The following CA5A variants were observed in gnomAD, a reference collection of about 807,000 sequenced individuals.
The protein encoded by CA5A is carbonic anhydrase 5A.
In CA5A, 28 loss-of-function variants were observed where a neutral mutation model predicts 37.1. The ratio of observed to expected loss-of-function variants is 0.75; its 90% confidence interval spans 0.56 to 1.03. The LOEUF (loss-of-function observed/expected upper bound fraction) is 1.03, where lower values mean the gene tolerates loss of function less well. CA5A is among the 50% of genes least tolerant of loss of function. CA5A has a pLI of 0.00. For synonymous variants in CA5A, 171 were observed against 158.4 expected, an observed-to-expected ratio of 1.08 and a Z score of -0.60; for missense variants, 444 against 399.9, an observed-to-expected ratio of 1.11 and a Z score of -0.94.
At chr16:87,924,967 G>T (rs528083869) in intron 2 of CA5A, among the ~76,000 whole-genome samples, 3 of 152,344 alleles carry the variant, frequency 2.0e-5, no homozygotes, top group Admixed American at 6.5e-5. Flanking sequence ...AGGAAGAAAA[G>T]GAGGCTCATT....
chr16:87,882,131 C>A (rs1480925321), intron 4 of CA5A: 1 of 152,228 alleles, frequency 6.6e-6, no homozygotes, highest in Non-Finnish European at 1.5e-5. Context: ...GCTCTCTGCC[C>A]CCATCCCAAG....
intron 1 of CA5A, among the ~76,000 whole-genome samples, chr16:87,927,793 A>G (rs2056333066): frequency 6.6e-6 from 1 of 150,966 alleles, no homozygotes; most frequent in African/African-American, 2.4e-5. Flanking sequence ...CCCAGGAGGC[A>G]GAGGTGGTAG....
chr16:87,929,397 A>C (rs941895095), intron 1 of CA5A, among the ~76,000 whole-genome samples: 1 of 148,228 alleles, frequency 6.7e-6, no homozygotes, highest in Admixed American at 6.8e-5. Context: ...GATTGCAGTG[A>C]GCAGAGATGG....
intron 3 of CA5A, among the ~76,000 whole-genome samples, chr16:87,904,371 AC>A (rs2055926883): frequency 2.0e-5 from 3 of 152,040 alleles, no homozygotes; most frequent in African/African-American, 4.8e-5. Flanking sequence ...CAAAAAACAA[AC>A]AAACAAACAA....
downstream of CA5A, chr16:87,883,248 C>T (rs2143874471): frequency 6.6e-6 from 1 of 152,244 alleles, no homozygotes; most frequent in African/African-American, 2.4e-5. Context: ...TCGTCTCAAA[C>T]TCCTGACCTC....
chr16:87,910,044 G>A (rs530789492), intron 2 of CA5A, among the ~76,000 whole-genome samples: 8 of 152,184 alleles, frequency 5.3e-5, no homozygotes, highest in South Asian at 4.1e-4. Flanking sequence ...TGGGAAATAC[G>A]AAGTCCTTAG....
intron 2 of CA5A, among the ~76,000 whole-genome samples, chr16:87,919,491 C>T (rs1356769600): frequency 6.6e-6 from 1 of 152,158 alleles, no homozygotes; most frequent in African/African-American, 2.4e-5. Context: ...CCTCGGGCGG[C>T]CACCTTCGCC....
At chr16:87,891,068 A>G (rs1180480467) in intron 6 of CA5A, among the ~76,000 whole-genome samples, 2 of 151,946 alleles carry the variant, frequency 1.3e-5, no homozygotes, top group African/African-American at 4.8e-5. Context: ...TCCTAAAATT[A>G]TGGGCATGAG....
In CA5A at chr16:87,893,051, G is replaced by A. The variant is rs1263163110; in HGVS notation, c.619-1097C>T. On this transcript the variant is annotated intron_variant, in intron 5 of 6. Coordinates refer to ENST00000649794, the MANE Select transcript of CA5A (RefSeq NM_001739.2). The stretch of plus-strand genomic sequence containing the variant: ...AGAATGTGCCCAACCTTCATGTCAC[G>A]AAGGCCATGCAGTCTCTCAAGCCCC... 4.2e-6 allele frequency: 5 copies of A among 1,198,066 alleles called. No individual in the cohort carries two copies. The Admixed American group carries it at 5.9e-5, about 14-fold the overall frequency. The allele number at this position is 1,198,066 out of a possible 1,614,324, so 74.2% of individuals were successfully genotyped here.
downstream of CA5A, chr16:87,886,624 G>A (rs566797315): frequency 1.2e-4 from 19 of 152,294 alleles, no homozygotes; most frequent in African/African-American, 4.1e-4. Context: ...GGTCAAGGCA[G>A]GAGAACTATT....
chr16:87,906,297 A>G (rs2055960267), intron 2 of CA5A, among the ~76,000 whole-genome samples: 1 of 151,878 alleles, frequency 6.6e-6, no homozygotes, highest in Admixed American at 6.6e-5. Flanking sequence ...TGCCTTGGGG[A>G]GCTTGACACT....
At chr16:87,907,619 C>G (rs1379099326) in intron 2 of CA5A, among the ~76,000 whole-genome samples, 1 of 152,144 alleles carries the variant, frequency 6.6e-6, no homozygotes. Context: ...TCCAGTTGCA[C>G]TCTTAGAGCA....
intron 5 of CA5A, among the ~76,000 whole-genome samples, chr16:87,899,949 A>G: frequency 7.4e-6 from 1 of 135,310 alleles, no homozygotes; most frequent in Non-Finnish European, 1.6e-5. Context: ...AAAAAAAAAA[A>G]AAAGAGTCTA....
chr16:87,920,465 A>G (rs1183685179), intron 2 of CA5A, among the ~76,000 whole-genome samples: 1 of 151,914 alleles, frequency 6.6e-6, no homozygotes, highest in Non-Finnish European at 1.5e-5. Flanking sequence ...ATGCACCACC[A>G]CGCTCGGCTA....
At chr16:87,904,655 G>A in intron 3 of CA5A, 131 bp downstream of exon 3, 1 of 625,520 alleles carries the variant, frequency 1.6e-6, no homozygotes, top group Non-Finnish European at 2.9e-6. Context: ...GTTCTGGTTT[G>A]AGCACTGACA....
At chr16:87,909,726 A>G (rs889504042) in intron 2 of CA5A, among the ~76,000 whole-genome samples, 2 of 152,212 alleles carry the variant, frequency 1.3e-5, no homozygotes, top group African/African-American at 4.8e-5. Context: ...TCTCACTGCA[A>G]ATTTTAAATC....
chr16:87,896,614 G>A (rs1413256765), intron 5 of CA5A, among the ~76,000 whole-genome samples: 1 of 152,152 alleles, frequency 6.6e-6, no homozygotes, highest in African/African-American at 2.4e-5. Context: ...GTGGAAGTGG[G>A]TTGGTGACTT....
At position 87,923,760 on chromosome 16, in the gene CA5A, A is replaced by G. The variant is rs534914527; in HGVS notation, c.340+2988T>C. On this transcript the variant is annotated intron_variant, in intron 2 of 6. Coordinates refer to ENST00000649794, the MANE Select transcript of CA5A (RefSeq NM_001739.2). ...ACGACTTAGAGGAAACAAATCAGTT[A>G]TTAAAATATCAGTGAGACCCACAGC... The G allele has an allele frequency of 1.5e-5, 15 of 985,206 alleles. No homozygotes were observed. The African/African-American group carries it at 2.4e-4, about 16-fold the overall frequency. The allele number at this position is 985,206 out of a possible 1,614,324, so 61.0% of individuals were successfully genotyped here.
chr16:87,934,708 C>G (rs1049874371), intron 1 of CA5A, among the ~76,000 whole-genome samples: 1 of 152,182 alleles, frequency 6.6e-6, no homozygotes, highest in African/African-American at 2.4e-5. Flanking sequence ...GCCTGTAATC[C>G]CAGCACTTTA....
Sources: gnomAD v4.1 joint callset for allele counts (sites outside exome capture counted in the v4.1 genomes callset) on GRCh38, gnomAD v4.1.1 for gene constraint, MANE v1.5 for transcripts, NCBI Gene and HGNC (gene_info 2026-07-23, HGNC 2026-07-21) for gene names.